Variants in PKHD1 observed in about 807,000 individuals in gnomAD.
PKHD1 encodes fibrocystin.
In PKHD1, 291 loss-of-function variants were observed where a neutral mutation model predicts 412.0. That is an observed-to-expected ratio of 0.71 (90% CI 0.64 to 0.78). The LOEUF (loss-of-function observed/expected upper bound fraction) is 0.78, where lower values mean the gene tolerates loss of function less well. Among genes scored for constraint, PKHD1 ranks in the 30% least tolerant of loss-of-function variants. PKHD1 has a pLI of 0.00. For synonymous variants in PKHD1, 1,777 were observed against 1,821.5 expected, an observed-to-expected ratio of 0.98 and a Z score of 0.62; for missense variants, 4,825 against 4,950.7, an observed-to-expected ratio of 0.97 and a Z score of 0.76.
chr6:51,754,233 A>T (rs1374089690), intron 56 of PKHD1, among the ~76,000 whole-genome samples: 1 of 152,142 alleles, frequency 6.6e-6, no homozygotes, highest in Admixed American at 6.6e-5. Flanking sequence ...TTGTGTATAA[A>T]AATATTTGGT....
Position 51,746,877 on chromosome 6 carries a change from G to GA in PKHD1, c.9841dup (p.Ser3281PhefsTer2). 1 of 1,600,532 alleles carries GA rather than the reference G, an allele frequency of 6.2e-7. No individual in the cohort carries two copies. The highest frequency in any genetic ancestry group is 8.5e-7 in the Non-Finnish European group (1 of 1,169,780). On this transcript the variant is annotated frameshift_variant, in exon 59 of 67. Coordinates refer to ENST00000371117, the MANE Select transcript of PKHD1 (RefSeq NM_138694.4). LOFTEE classifies it high-confidence loss of function. ...GCTATAGCAACTCTTCACAAAACTA[G>GA]AAAAGGTAACATCTGAAATTTTAAA...
chr6:51,745,285 T>C (rs1442149402), intron 59 of PKHD1, among the ~76,000 whole-genome samples: 1 of 152,176 alleles, frequency 6.6e-6, no homozygotes, highest in East Asian at 1.9e-4. Flanking sequence ...TGAAACAGTA[T>C]TAAGAAGTGT....
chr6:51,772,619 A>G lies in PKHD1; in HGVS notation c.8642+83T>C, dbSNP rs1790340914. ...AATTATAATGTTTAACCTAAAAATC[A>G]GTTTCATATTGTAACAAAATCTCAA... On this transcript the variant is annotated intron_variant, in intron 55 of 66. Coordinates refer to ENST00000371117, the MANE Select transcript of PKHD1 (RefSeq NM_138694.4). 7 of 687,062 alleles carry G rather than the reference A, an allele frequency of 1.0e-5. No homozygotes were observed. In the South Asian group the frequency reaches 1.3e-4, roughly 13 times the overall value. 42.6% of individuals were successfully genotyped at this position (687,062 alleles called of 1,614,324 possible).
intron 60 of PKHD1, among the ~76,000 whole-genome samples, chr6:51,668,220 A>G (rs4449621): frequency 6.6e-6 from 1 of 151,368 alleles, no homozygotes; most frequent in African/African-American, 2.4e-5. Context: ...CTTTTATTTC[A>G]TTGAGCAGTG....
intron 60 of PKHD1, among the ~76,000 whole-genome samples, chr6:51,673,106 A>C (rs911888257): frequency 2.4e-4 from 37 of 152,238 alleles, no homozygotes; most frequent in Non-Finnish European, 1.6e-4. Context: ...AGATACCAAA[A>C]TAGAACTCTG....
intron 37 of PKHD1, among the ~76,000 whole-genome samples, chr6:51,914,816 T>C (rs1783523037): frequency 6.6e-6 from 1 of 152,100 alleles, no homozygotes; most frequent in South Asian, 2.1e-4. Context: ...CTCTAATCTT[T>C]TGTCAATTTC....
In PKHD1 at chr6:51,758,045, AG is replaced by A. The variant is rs1562245884; in HGVS notation, c.8643-3108del. Among the ~76,000 whole-genome samples, 125 of 150,988 alleles carry A rather than the reference AG, an allele frequency of 8.3e-4. 1 individual carries two copies. Among genetic ancestry groups the A allele is most frequent in the African/African-American group, 2.6e-3 (108 of 41,212 alleles). On this transcript the variant is annotated intron_variant, in intron 55 of 66. Coordinates refer to ENST00000371117, the MANE Select transcript of PKHD1 (RefSeq NM_138694.4). ...GAGAGAGAGAGAGAGAGAGAGAGAG[AG>A]AGAGAGAAAACAAAGCAAACAGGAA...
At chr6:51,648,971 G>A in intron 62 of PKHD1, 114 bp downstream of exon 62, 1 of 998,716 alleles carries the variant, frequency 1.0e-6, no homozygotes, top group Admixed American at 1.7e-5. Flanking sequence ...GCAACAAATT[G>A]CACCCAGTGG....
At chr6:51,830,580 G>T (rs1768069148) in intron 52 of PKHD1, among the ~76,000 whole-genome samples, 1 of 152,126 alleles carries the variant, frequency 6.6e-6, no homozygotes, top group Non-Finnish European at 1.5e-5. Context: ...TCTGACACAT[G>T]AAGAAAATTA....
chr6:51,763,671 G>A (rs1485866305), intron 55 of PKHD1, among the ~76,000 whole-genome samples: 1 of 152,024 alleles, frequency 6.6e-6, no homozygotes, highest in Admixed American at 6.6e-5. Flanking sequence ...ACACAAACCA[G>A]AAACCAAGAA....
rs370659581 is a variant in PKHD1, at chr6:51,746,851, C to A, written c.9868G>T (p.Asp3290Tyr). The A allele has an allele frequency of 5.0e-6, 8 of 1,609,892 alleles. No individual in the cohort carries two copies. Among genetic ancestry groups the A allele is most frequent in the Non-Finnish European group, 5.1e-6 (6 of 1,176,970 alleles). ...FSSFVKSCYS[D>Y]DLDVCILPNA... Reference sequence around the variant, plus strand: ...GGTAGAATGCAGACATCCAGGTCATCGCTATAGCAACTCTTCACAAAACTA... The same window carrying A: ...GGTAGAATGCAGACATCCAGGTCATAGCTATAGCAACTCTTCACAAAACTA... The change falls in exon 59 of 67, where the codon GAT (aspartate) becomes TAT (tyrosine). Residue 3290 changes from aspartate (D) to tyrosine (Y), a missense_variant. Coordinates refer to ENST00000371117, the MANE Select transcript of PKHD1 (RefSeq NM_138694.4).
In PKHD1 at chr6:52,082,451, A is replaced by G; in HGVS notation, c.222T>C (p.Ser74=). The G allele has an allele frequency of 4.3e-6, 7 of 1,614,044 alleles. No homozygotes were observed. The highest frequency in any genetic ancestry group is 5.9e-6 in the Non-Finnish European group (7 of 1,179,974). ...NVNMVVPALR[S]VPCDVFPVFL... is the part of the protein sequence containing the mutation. ...AAACAGGAAAGACGTCACAGGGAAC[A>G]CTCCGCAGTGCGGGCACCACCATGT... is the stretch of plus-strand genomic sequence containing the variant. Residue 74 remains serine (S), a synonymous_variant, in exon 4 of 67, where the codon AGT becomes AGC. Transcript: ENST00000371117.
At chr6:51,874,438 C>T (rs1776519318) in intron 46 of PKHD1, among the ~76,000 whole-genome samples, 1 of 152,118 alleles carries the variant, frequency 6.6e-6, no homozygotes, top group African/African-American at 2.4e-5. Context: ...TTCTATTCAT[C>T]TCAATACAAA....
intron 60 of PKHD1, among the ~76,000 whole-genome samples, chr6:51,678,316 G>A (rs554574932): frequency 1.1e-3 from 164 of 152,218 alleles, no homozygotes; most frequent in African/African-American, 3.8e-3. Context: ...GTTAGATGAC[G>A]TATGCACAGA....
rs1802217639 is a variant in PKHD1 at position 52,026,557 on chromosome 6, T to C, written c.3629-376A>G. 1.3e-5 allele frequency among the ~76,000 whole-genome samples: 2 copies of C among 152,232 alleles called. 1 individual carries two copies. On this transcript the variant is annotated intron_variant, in intron 31 of 66. Coordinates refer to ENST00000371117, the MANE Select transcript of PKHD1 (RefSeq NM_138694.4). ...GAAATATTATCCTGTATGCTATATA[T>C]AGACTATTTGTACATTGTCCTGTAT... is the stretch of plus-strand genomic sequence containing the variant.
At chr6:52,011,240 A>G (rs996430165) in intron 34 of PKHD1, among the ~76,000 whole-genome samples, 2 of 152,222 alleles carry the variant, frequency 1.3e-5, no homozygotes, top group Non-Finnish European at 2.9e-5. Flanking sequence ...GGACATGGAT[A>G]GTGAAGGGTG....
At chr6:51,642,760 A>G (rs1435305957) in intron 63 of PKHD1, among the ~76,000 whole-genome samples, 2 of 152,168 alleles carry the variant, frequency 1.3e-5, no homozygotes, top group African/African-American at 2.4e-5. Flanking sequence ...GAATCACTTG[A>G]ACCCGGGAGG....
intron 37 of PKHD1, among the ~76,000 whole-genome samples, chr6:51,929,435 T>C (rs1037845284): frequency 6.6e-6 from 1 of 152,180 alleles, no homozygotes; most frequent in South Asian, 2.1e-4. Context: ...ATCAATTACT[T>C]GAGCAATTTA....
chr6:52,041,512 T>G (rs1438464703), intron 27 of PKHD1, among the ~76,000 whole-genome samples: 1 of 152,124 alleles, frequency 6.6e-6, no homozygotes, highest in East Asian at 1.9e-4. Flanking sequence ...AACTCATAGG[T>G]GGCAGGGCAA....
Sources: gnomAD v4.1 joint callset for allele counts (sites outside exome capture counted in the v4.1 genomes callset) on GRCh38, gnomAD v4.1.1 for gene constraint, MANE v1.5 for transcripts, NCBI Gene and HGNC (gene_info 2026-07-23, HGNC 2026-07-21) for gene names.